The following SNX25 variants were observed in gnomAD, a reference collection of about 807,000 sequenced individuals.
SNX25 encodes sorting nexin 25.
A neutral mutation model predicts 113.7 loss-of-function variants in SNX25; 62 were observed. That is an observed-to-expected ratio of 0.55 (90% confidence interval 0.44 to 0.67). The LOEUF is 0.67. Among genes scored for constraint, SNX25 ranks in the 30% least tolerant of loss-of-function variants. SNX25 has a pLI of 0.00. For synonymous variants in SNX25, 421 were observed against 436.2 expected, an observed-to-expected ratio of 0.97 and a Z score of 0.43; for missense variants, 1,014 against 1,161.0, an observed-to-expected ratio of 0.87 and a Z score of 1.84.
chr4:185,211,182 C>A (rs1737728189), intron 1 of SNX25, among the ~76,000 whole-genome samples: 1 of 152,162 alleles, frequency 6.6e-6, no homozygotes, highest in Admixed American at 6.5e-5. Context: ...TATCACATGA[C>A]CTGCTCACTC....
chr4:185,310,816 G>C lies in SNX25; in HGVS notation c.1344G>C (p.Lys448Asn). Residue 448 changes from lysine (K) to asparagine (N), a missense_variant and splice_region_variant, in exon 7 of 19, where the codon AAG (lysine) becomes AAC (asparagine). Coordinates refer to ENST00000652585, the MANE Select transcript of SNX25 (RefSeq NM_001378034.2). The stretch of plus-strand genomic sequence containing the variant: ...AGGGGGAAGGGCCTCAAAGCCAGAA[G>C]GTAGAACTTTATAGTTTCTTGTTTT... ...LDEGEGPQSQKILQFEDILAN... is the reference protein window; with the variant it reads ...LDEGEGPQSQNILQFEDILAN... 3.7e-6 allele frequency: 6 copies of C among 1,603,374 alleles called. No homozygotes were observed. Among genetic ancestry groups the C allele is most frequent in the Non-Finnish European group, 4.3e-6 (5 of 1,176,348 alleles).
chr4:185,297,051 T>C (rs1312631911), intron 6 of SNX25, among the ~76,000 whole-genome samples: 1 of 151,308 alleles, frequency 6.6e-6, no homozygotes, highest in African/African-American at 2.4e-5. Context: ...TTCTAGTTTT[T>C]TGTTGATTTT....
chr4:185,287,985 TTTTTC>T (rs1751579829), intron 5 of SNX25, 22 bp from the exon 6 acceptor site: 1 of 1,568,326 alleles, frequency 6.4e-7, no homozygotes, highest in African/African-American at 1.4e-5. Context: ...CTCTTAAATC[TTTTTC>T]TTTTCTCTTT....
chr4:185,360,227 C>G (rs1276218326), intron 16 of SNX25, among the ~76,000 whole-genome samples: 2 of 152,202 alleles, frequency 1.3e-5, no homozygotes, highest in East Asian at 3.8e-4. Context: ...ACCACAAGTT[C>G]TGTTAAATCA....
At chr4:185,245,701 CTT>C (rs1744770146) in intron 1 of SNX25, among the ~76,000 whole-genome samples, 1 of 152,174 alleles carries the variant, frequency 6.6e-6, no homozygotes. Context: ...CACACATAGA[CTT>C]AAAATTCTAT....
intron 1 of SNX25, among the ~76,000 whole-genome samples, chr4:185,237,229 A>G (rs1345014116): frequency 6.6e-6 from 1 of 152,048 alleles, no homozygotes; most frequent in Non-Finnish European, 1.5e-5. Context: ...CATGTTAACA[A>G]TTTTCTGTTT....
chr4:185,293,742 ATGGTTATGGTC>A (rs1333817027), intron 6 of SNX25, among the ~76,000 whole-genome samples: 1 of 152,118 alleles, frequency 6.6e-6, no homozygotes. Flanking sequence ...TATTTACATT[ATGGTTATGGTC>A]TGGTTATGAT....
intron 6 of SNX25, among the ~76,000 whole-genome samples, chr4:185,290,534 C>A (rs950382427): frequency 6.6e-6 from 1 of 152,182 alleles, no homozygotes; most frequent in Non-Finnish European, 1.5e-5. Flanking sequence ...TAGTATAATG[C>A]TCCAGTGGAT....
At chr4:185,311,397 ACTGT>A (rs1301402129) in intron 7 of SNX25, among the ~76,000 whole-genome samples, 1 of 152,160 alleles carries the variant, frequency 6.6e-6, no homozygotes. Context: ...AAAACTTCAG[ACTGT>A]CTGTCAATAC....
At chr4:185,304,168 C>T (rs988273826) in intron 6 of SNX25, among the ~76,000 whole-genome samples, 14 of 152,132 alleles carry the variant, frequency 9.2e-5, no homozygotes, top group South Asian at 2.1e-4. Context: ...ATTTTAGAGA[C>T]ATGTTCTCAC....
In SNX25 at chr4:185,347,767, G is replaced by A. The variant is rs377069850; in HGVS notation, c.2301+1117G>A. Among the ~76,000 whole-genome samples, 13 of 152,178 alleles carry A rather than the reference G, an allele frequency of 8.5e-5. 1 individual carries two copies. The highest frequency in any genetic ancestry group is 2.6e-4 in the African/African-American group (11 of 41,528). On this transcript the variant is annotated intron_variant, in intron 13 of 18. Transcript: ENST00000652585. ...ACTACAGGCGTGAGCCACTGTGCCC[G>A]GCCATTTGTTGTGTCTCCTTTTCTA... is the stretch of plus-strand genomic sequence containing the variant.
intron 1 of SNX25, among the ~76,000 whole-genome samples, chr4:185,224,510 GATATATAAATATATATACAT>G (rs869125493): frequency 0.019 from 2,135 of 111,666 alleles, 72 homozygotes; most frequent in African/African-American, 0.061. Flanking sequence ...TAAATATATA[GATATATAAATATATATACAT>G]ATATATAAAT....
chr4:185,351,426 A>G lies in SNX25; in HGVS notation c.2302-19A>G. The G allele has an allele frequency of 2.5e-6, 4 of 1,611,688 alleles. No individual in the cohort carries two copies. The highest frequency in any genetic ancestry group is 3.4e-6 in the Non-Finnish European group (4 of 1,179,010). ...GATAGTTTCCCACACTGGAGCAGTT[A>G]ATCCTCTTTCTTCCATAGAATCTGC... On this transcript the variant is annotated intron_variant, in intron 13 of 18. Coordinates refer to ENST00000652585, the MANE Select transcript of SNX25 (RefSeq NM_001378034.2).
Position 185,245,353 on chromosome 4 carries a change from T to C in SNX25, c.430-1941T>C, listed in dbSNP as rs1744703310. 2.6e-5 allele frequency among the ~76,000 whole-genome samples: 4 copies of C among 152,062 alleles called. No individual in the cohort carries two copies. In the South Asian group the frequency reaches 8.3e-4, roughly 32 times the overall value. ...AAAATGCCAAGCAGTATCTTTTTTT[T>C]TTCTCCCAGACAGAGTCTTGCTCTC... is the stretch of plus-strand genomic sequence containing the variant. On this transcript the variant is annotated intron_variant, in intron 1 of 18. Coordinates refer to ENST00000652585, the MANE Select transcript of SNX25 (RefSeq NM_001378034.2).
intron 1 of SNX25, among the ~76,000 whole-genome samples, chr4:185,246,626 T>C (rs919185974): frequency 1.3e-5 from 2 of 152,222 alleles, no homozygotes; most frequent in African/African-American, 4.8e-5. Flanking sequence ...CTTTGTTACA[T>C]TGTTACAGAT....
chr4:185,349,113 T>C (rs767222556), intron 13 of SNX25, among the ~76,000 whole-genome samples: 6 of 152,164 alleles, frequency 3.9e-5, no homozygotes, highest in African/African-American at 1.4e-4. Context: ...TGGTCCACAA[T>C]GGAAGAAGAA....
intron 6 of SNX25, among the ~76,000 whole-genome samples, chr4:185,304,429 C>G (rs1043153090): frequency 1.3e-5 from 2 of 152,196 alleles, no homozygotes; most frequent in Non-Finnish European, 2.9e-5. Context: ...CGCATCTCGG[C>G]TCACCTCAAC....
At chr4:185,349,728 T>TTG (rs141674889) in intron 13 of SNX25, among the ~76,000 whole-genome samples, 22 of 151,884 alleles carry the variant, frequency 1.4e-4, no homozygotes, top group African/African-American at 4.1e-4. Flanking sequence ...AATGGGATTA[T>TTG]TGTGTGTGTG....
At chr4:185,263,884 A>C (rs1474528141) in intron 3 of SNX25, among the ~76,000 whole-genome samples, 3 of 152,218 alleles carry the variant, frequency 2.0e-5, no homozygotes, top group African/African-American at 2.4e-5. Context: ...GAGTCAGTAC[A>C]GGGAAGTGCA....
Sources: gnomAD v4.1 joint callset for allele counts (sites outside exome capture counted in the v4.1 genomes callset) on GRCh38, gnomAD v4.1.1 for gene constraint, MANE v1.5 for transcripts, NCBI Gene and HGNC (gene_info 2026-07-23, HGNC 2026-07-21) for gene names.